Variants in TMEM108 observed in about 807,000 individuals in gnomAD.
The protein encoded by TMEM108 is transmembrane protein 108, also known as cancer/testis antigen 124.
A neutral mutation model predicts 35.1 loss-of-function variants in TMEM108; 12 were observed. That is an observed-to-expected ratio of 0.34 (90% CI 0.22 to 0.55). The LOEUF (loss-of-function observed/expected upper bound fraction) is 0.55, where lower values mean the gene tolerates loss of function less well. Among genes scored for constraint, TMEM108 ranks in the 20% least tolerant of loss-of-function variants. The pLI is 0.89. For missense variants in TMEM108, 680 were observed against 753.3 expected (o/e 0.90, Z 1.14); for synonymous variants, 287 against 308.6 (o/e 0.93, Z 0.73).
chr3:133,386,558 C>T, intron 4 of TMEM108: 1 of 1,508,912 alleles, frequency 6.6e-7, no homozygotes, highest in Non-Finnish European at 8.8e-7. Flanking sequence ...AGTGACATTC[C>T]TGGGAACCCA....
In TMEM108 at chr3:133,388,173, C is replaced by T. The variant is rs2073182021; in HGVS notation, c.1451-2007C>T. 4 of 985,386 alleles carry T rather than the reference C, an allele frequency of 4.1e-6. No homozygotes were observed. The African/African-American group carries it at 7.0e-5, about 17-fold the overall frequency. The allele number at this position is 985,386 out of a possible 1,614,324, so 61.0% of individuals were successfully genotyped here. On this transcript the variant is annotated intron_variant, in intron 4 of 5. Transcript: ENST00000321871. ...CACTTTTCCCACTTCCCAGATGGTT[C>T]CCTCTTTATGGCTTCTGTCACACCA...
intron 3 of TMEM108, among the ~76,000 whole-genome samples, chr3:133,258,453 A>C (rs1946578695): frequency 6.6e-6 from 1 of 152,226 alleles, no homozygotes; most frequent in South Asian, 2.1e-4. Context: ...AGCTGCCCAC[A>C]CCACCTCGCT....
chr3:133,173,000 T>C (rs969542976), intron 2 of TMEM108, among the ~76,000 whole-genome samples: 3 of 152,186 alleles, frequency 2.0e-5, no homozygotes, highest in African/African-American at 7.2e-5. Flanking sequence ...GAGGCCTCCC[T>C]AGCCATGTGG....
At chr3:133,078,123 T>A (rs1374315752) in intron 2 of TMEM108, among the ~76,000 whole-genome samples, 1 of 128,332 alleles carries the variant, frequency 7.8e-6, no homozygotes, top group Non-Finnish European at 1.7e-5. Context: ...CGAAAAATGG[T>A]GGAGTTTATG....
intron 2 of TMEM108, among the ~76,000 whole-genome samples, chr3:133,130,228 G>C (rs1290521215): frequency 6.6e-6 from 1 of 152,134 alleles, no homozygotes; most frequent in Non-Finnish European, 1.5e-5. Context: ...TTTGCATTCA[G>C]TGTCCCTCCT....
At chr3:133,123,109 G>A (rs995735872) in intron 2 of TMEM108, among the ~76,000 whole-genome samples, 4 of 152,016 alleles carry the variant, frequency 2.6e-5, no homozygotes, top group Admixed American at 6.6e-5. Context: ...ATACATATAT[G>A]GATTCCATTG....
chr3:133,128,369 G>C (rs1944444426), intron 2 of TMEM108, among the ~76,000 whole-genome samples: 1 of 152,124 alleles, frequency 6.6e-6, no homozygotes, highest in Non-Finnish European at 1.5e-5. Flanking sequence ...AAGTTAGCTT[G>C]GAAATTAGGA....
intron 3 of TMEM108, among the ~76,000 whole-genome samples, chr3:133,335,355 G>A (rs907728486): frequency 5.3e-5 from 8 of 152,030 alleles, no homozygotes; most frequent in African/African-American, 1.7e-4. Flanking sequence ...AAAAGCAAAA[G>A]TCAGAACAAG....
chr3:133,184,360 A>G (rs1945390516), intron 2 of TMEM108, among the ~76,000 whole-genome samples: 1 of 152,162 alleles, frequency 6.6e-6, no homozygotes, highest in South Asian at 2.1e-4. Flanking sequence ...TTCTTTTCGT[A>G]TTGGTTTTCC....
intron 2 of TMEM108, among the ~76,000 whole-genome samples, chr3:133,114,809 A>C (rs1478767997): frequency 6.6e-6 from 1 of 152,100 alleles, no homozygotes; most frequent in Non-Finnish European, 1.5e-5. Context: ...CCATTTTCCA[A>C]CAGTTTTGTT....
intron 3 of TMEM108, among the ~76,000 whole-genome samples, chr3:133,304,707 C>T (rs1202702460): frequency 6.6e-6 from 1 of 152,078 alleles, no homozygotes; most frequent in African/African-American, 2.4e-5. Context: ...TAATAATATT[C>T]CATCATAAGG....
intron 3 of TMEM108, among the ~76,000 whole-genome samples, chr3:133,241,789 T>C (rs1946317673): frequency 6.6e-6 from 1 of 152,024 alleles, no homozygotes; most frequent in African/African-American, 2.4e-5. Flanking sequence ...TAATTTTGCA[T>C]TTTTAGTAGA....
chr3:133,364,813 C>T (rs1208996716), intron 3 of TMEM108, among the ~76,000 whole-genome samples: 1 of 152,206 alleles, frequency 6.6e-6, no homozygotes, highest in African/African-American at 2.4e-5. Flanking sequence ...ACCTGGAAAT[C>T]TGCATACAGG....
At chr3:133,054,611 A>C (rs1348358046) in intron 2 of TMEM108, among the ~76,000 whole-genome samples, 1 of 152,182 alleles carries the variant, frequency 6.6e-6, no homozygotes, top group African/African-American at 2.4e-5. Flanking sequence ...TGTTTTGTTC[A>C]CTTTCTCCCT....
intron 3 of TMEM108, among the ~76,000 whole-genome samples, chr3:133,329,267 T>A (rs991037142): frequency 3.3e-5 from 5 of 152,122 alleles, no homozygotes; most frequent in African/African-American, 1.2e-4. Context: ...CCAAATTGCC[T>A]AATGCCTGGG....
intron 3 of TMEM108, among the ~76,000 whole-genome samples, chr3:133,259,199 T>A (rs1946590444): frequency 6.6e-6 from 1 of 152,238 alleles, no homozygotes; most frequent in Non-Finnish European, 1.5e-5. Flanking sequence ...TTCTTTCATT[T>A]TGCTTCTAAT....
chr3:133,157,133 T>C (rs111835935), intron 2 of TMEM108, among the ~76,000 whole-genome samples: 1 of 152,216 alleles, frequency 6.6e-6, no homozygotes, highest in African/African-American at 2.4e-5. Flanking sequence ...ATGTTATACA[T>C]GTATGTGTCT....
At chr3:133,088,633 C>T (rs1287190814) in intron 2 of TMEM108, among the ~76,000 whole-genome samples, 1 of 152,190 alleles carries the variant, frequency 6.6e-6, no homozygotes, top group Admixed American at 6.5e-5. Flanking sequence ...TATATTCACA[C>T]TGTATTTGAA....
At chr3:133,069,967 C>A (rs1010419913) in intron 2 of TMEM108, among the ~76,000 whole-genome samples, 1 of 152,090 alleles carries the variant, frequency 6.6e-6, no homozygotes, top group Non-Finnish European at 1.5e-5. Context: ...TTCTAAATTT[C>A]TCATCTTCCT....
Sources: allele counts gnomAD v4.1 joint callset (sites outside exome capture counted in the v4.1 genomes callset), GRCh38; gene constraint gnomAD v4.1.1; transcripts MANE v1.5; gene names NCBI Gene and HGNC (gene_info 2026-07-23, HGNC 2026-07-21).